The following MSLN variants were observed in gnomAD, a reference collection of about 807,000 sequenced individuals.
MSLN encodes mesothelin, also known as CAK1 antigen.
Under a neutral mutation model 72.6 loss-of-function variants are expected in MSLN, and 82 were observed. The ratio of observed to expected loss-of-function variants is 1.13; its 90% CI spans 0.94 to 1.36. The LOEUF (loss-of-function observed/expected upper bound fraction) is 1.36, where lower values mean the gene tolerates loss of function less well. Ranked by LOEUF, MSLN falls within the 40% of genes most tolerant of loss-of-function variation. The pLI, the probability that MSLN is intolerant of heterozygous loss-of-function variation, is 0.00. For missense variants in MSLN, 1,005 were observed against 847.9 expected, an observed-to-expected ratio of 1.19 and a Z score of -2.30; for synonymous variants, 456 against 387.3, an observed-to-expected ratio of 1.18 and a Z score of -2.08.
chr16:761,347 C>T lies in MSLN; in HGVS notation c.-10+173C>T, dbSNP rs141232576. Among the ~76,000 whole-genome samples the T allele has an allele frequency of 7.7e-3, 1,174 of 152,352 alleles. 18 individuals are homozygous for T. Among genetic ancestry groups the T allele is most frequent in the African/African-American group, 0.027 (1,119 of 41,572 alleles). ...ACACGCAGACCCATTTGTTTGGAAGCGGCAGTCCTAAGGCAGTGCAGGTGC... is the reference window on the plus strand; with the variant it reads ...ACACGCAGACCCATTTGTTTGGAAGTGGCAGTCCTAAGGCAGTGCAGGTGC... On this transcript the variant is annotated intron_variant, in intron 2 of 17. Transcript: ENST00000545450.
Position 768,448 on chromosome 16 carries a change from C to T in MSLN, c.1666C>T (p.His556Tyr), listed in dbSNP as rs780333795. Residue 556 changes from histidine (H) to tyrosine (Y), a missense_variant, in exon 17 of 18, where the codon CAC becomes TAC. By Grantham distance (83) the His-to-Tyr change is moderately conservative. Coordinates refer to ENST00000545450, the MANE Select transcript of MSLN (RefSeq NM_005823.6). ...GGAGGGCCTGAAGGCGGAGGAGCGGCACCGCCCGGTGCGGGACTGGATCCT... is the reference window on the plus strand; with the variant it reads ...GGAGGGCCTGAAGGCGGAGGAGCGGTACCGCCCGGTGCGGGACTGGATCCT... ...HVEGLKAEER[H>Y]RPVRDWILRQ... The T allele has an allele frequency of 1.6e-5, 24 of 1,536,546 alleles. No homozygotes were observed. The East Asian group carries it at 5.0e-4, about 32-fold the overall frequency.
chr16:767,979 G>GC (rs1555493851), intron 16 of MSLN, among the ~76,000 whole-genome samples: 2 of 26,852 alleles, frequency 7.4e-5, no homozygotes, highest in Non-Finnish European at 1.2e-4. Context: ...CGTGTGGGGG[G>GC]GCGTGGAGGG....
Position 768,786 on chromosome 16 carries a change from G to T in MSLN, c.*53G>T. 2.5e-6 allele frequency: 4 copies of T among 1,575,022 alleles called. No homozygotes were observed. The highest frequency in any genetic ancestry group is 3.5e-6 in the Non-Finnish European group (4 of 1,152,398). On this transcript the variant is annotated 3_prime_UTR_variant, in exon 18 of 18. Transcript: ENST00000545450. ...CCTGCTGGGGATCCCCGCCTGGCCA[G>T]GAGCAGGCACGGGTGGTCCCCGTTC...
intron 14 of MSLN, 24 bp downstream of exon 14, chr16:766,834 G>C (rs369680238): frequency 4.3e-6 from 7 of 1,612,122 alleles, no homozygotes; most frequent in Non-Finnish European, 5.9e-6. Flanking sequence ...ACTCTGCCCG[G>C]CAAGGTGGGT....
chr16:764,749 A>ACC, intron 7 of MSLN, 23 bp downstream of exon 7: 1 of 1,461,112 alleles, frequency 6.8e-7, no homozygotes, highest in Non-Finnish European at 9.4e-7. Flanking sequence ...CCCTGAACCC[A>ACC]CCCCCCCGGC....
At chr16:766,615 T>C (rs371915170) in intron 13 of MSLN, 53 bp from the exon 14 acceptor site, 6 of 1,611,094 alleles carry the variant, frequency 3.7e-6, no homozygotes, top group Non-Finnish European at 5.1e-6. Flanking sequence ...ATGCTGGTGG[T>C]GGAGGGATAC....
chr16:766,258 C>T (rs374346489), intron 12 of MSLN, 21 bp downstream of exon 12: 16 of 1,608,008 alleles, frequency 1.0e-5, no homozygotes, highest in South Asian at 1.1e-5. Flanking sequence ...ACTCAAGTTC[C>T]CACCGGCCTG....
rs879131271 is a variant in MSLN, at chr16:767,360, C to G, written c.1502-16C>G. On this transcript the variant is annotated splice_polypyrimidine_tract_variant and intron_variant, in intron 15 of 17. Coordinates refer to ENST00000545450, the MANE Select transcript of MSLN (RefSeq NM_005823.6). ...TGAGGTGAGGCCTCAGCTCGGGCCC[C>G]TCTCCCGGCGGGCAGGTGGGGCCCC... 2.0e-5 allele frequency: 33 copies of G among 1,609,798 alleles called. No homozygotes were observed. Among genetic ancestry groups the G allele is most frequent in the Non-Finnish European group, 2.8e-5 (33 of 1,178,378 alleles).
intron 16 of MSLN, 119 bp from the exon 17 acceptor site, chr16:768,259 TG>T: frequency 9.6e-7 from 1 of 1,045,600 alleles, no homozygotes; most frequent in Non-Finnish European, 1.3e-6. Flanking sequence ...CTCCGAAGTC[TG>T]GAGAGGCTGC....
intron 8 of MSLN, 22 bp from the exon 9 acceptor site, chr16:765,088 G>T: frequency 6.2e-7 from 1 of 1,605,556 alleles, no homozygotes; most frequent in Non-Finnish European, 8.5e-7. Flanking sequence ...TTCCAAAAGC[G>T]CTGAGGCCAG....
At chr16:765,392 A>T in intron 9 of MSLN, 89 bp downstream of exon 9, 1 of 1,432,270 alleles carries the variant, frequency 7.0e-7, no homozygotes, top group Non-Finnish European at 9.3e-7. Flanking sequence ...CTCAAGGCCC[A>T]GGGTCAGTCA....
chr16:764,158 G>C lies in MSLN; in HGVS notation c.300+15G>C, dbSNP rs1262978972. Reference sequence around the variant, plus strand: ...CAACAGAGCAGGTCAGTCTCAGTTGGGCTGAGGCAGGTGGGCACAGCTGGG... The same window carrying C: ...CAACAGAGCAGGTCAGTCTCAGTTGCGCTGAGGCAGGTGGGCACAGCTGGG... On this transcript the variant is annotated intron_variant, in intron 6 of 17. Coordinates refer to ENST00000545450, the MANE Select transcript of MSLN (RefSeq NM_005823.6). 1.3e-6 allele frequency: 2 copies of C among 1,597,776 alleles called. No homozygotes were observed. Among genetic ancestry groups the C allele is most frequent in the Non-Finnish European group, 1.7e-6 (2 of 1,176,668 alleles).
chr16:766,629 T>G (rs1177291436), intron 13 of MSLN, 39 bp from the exon 14 acceptor site: 1 of 1,611,400 alleles, frequency 6.2e-7, no homozygotes, highest in Admixed American at 1.7e-5. Flanking sequence ...GGGATACATC[T>G]CTCCTTGCCA....
At chr16:768,350 C>T (rs767763211) in intron 16 of MSLN, 29 bp from the exon 17 acceptor site, 4 of 1,500,068 alleles carry the variant, frequency 2.7e-6, no homozygotes, top group Non-Finnish European at 3.6e-6. Flanking sequence ...AGGAGACCCT[C>T]CTTGATGGCT....
chr16:764,127 A>G lies in MSLN; in HGVS notation c.284A>G (p.Lys95Arg), dbSNP rs528803471. Residue 95 changes from lysine (K) to arginine (R), a missense_variant, in exon 6 of 18, where the codon AAG becomes AGG. Lys to Arg is a conservative substitution (Grantham distance 26). Coordinates refer to ENST00000545450, the MANE Select transcript of MSLN (RefSeq NM_005823.6). ...LAVALAQKNV[K>R]LSTEQLRCLA... ...GTGGCCTTGGCACAGAAGAATGTCA[A>G]GCTCTCAACAGAGCAGGTCAGTCTC... The G allele has an allele frequency of 9.9e-5, 159 of 1,604,960 alleles. 2 individuals are homozygous for G. In the South Asian group the frequency reaches 1.7e-3, roughly 17 times the overall value.
chr16:763,797 T>TCCCCCCCACCC (rs2041567015), intron 5 of MSLN, 106 bp downstream of exon 5: 1 of 61,296 alleles, frequency 1.6e-5, no homozygotes, highest in Non-Finnish European at 2.7e-5. Flanking sequence ...CCCTTCCTCC[T>TCCCCCCCACCC]CTGCTCCACC....
rs1021155834 is a variant in MSLN, at chr16:765,434, C to A, written c.705-93C>A. 8.4e-6 allele frequency: 12 copies of A among 1,420,550 alleles called. No homozygotes were observed. In the East Asian group the frequency reaches 2.2e-4, roughly 26 times the overall value. 88.0% of individuals were successfully genotyped at this position (1,420,550 alleles called of 1,614,324 possible). On this transcript the variant is annotated intron_variant, in intron 9 of 17. Coordinates refer to ENST00000545450, the MANE Select transcript of MSLN (RefSeq NM_005823.6). Reference sequence around the variant, plus strand: ...CCACCACCCCTGCCAATGCCCCCAGCGTCCCCTCCACAGCCAGGGGGTACG... The same window carrying A: ...CCACCACCCCTGCCAATGCCCCCAGAGTCCCCTCCACAGCCAGGGGGTACG...
rs148180768 is a variant in MSLN, at chr16:768,664, G to C, written c.1800G>C (p.Thr600=). The change falls in exon 18 of 18, where the codon ACG becomes ACC. Residue 600 remains threonine (T), a synonymous_variant. Coordinates refer to ENST00000545450, the MANE Select transcript of MSLN (RefSeq NM_005823.6). ...DLSMQEALSG[T]PCLLGPGPVL... is the part of the protein sequence containing the mutation. ...TCTCTGTAGAGGCCCTCTCGGGGAC[G>C]CCCTGCCTCCTAGGACCTGGACCTG... The C allele has an allele frequency of 1.2e-6, 2 of 1,610,848 alleles. No individual in the cohort carries two copies. Among genetic ancestry groups the C allele is most frequent in the Non-Finnish European group, 1.7e-6 (2 of 1,179,538 alleles).
Position 766,257 on chromosome 16 carries a change from C to T in MSLN, c.1074+20C>T, listed in dbSNP as rs1161390919. On this transcript the variant is annotated intron_variant, in intron 12 of 17. Transcript: ENST00000545450. ...GATGAGGTAGTTCATGACTCAAGTT[C>T]CCACCGGCCTGCTGTGTCCAAGCCA... 4.4e-6 allele frequency: 7 copies of T among 1,607,838 alleles called. No individual in the cohort carries two copies. The highest frequency in any genetic ancestry group is 2.7e-5 in the African/African-American group (2 of 74,834).
Sources: gnomAD v4.1 joint callset for allele counts (sites outside exome capture counted in the v4.1 genomes callset) on GRCh38, gnomAD v4.1.1 for gene constraint, MANE v1.5 for transcripts, NCBI Gene and HGNC (gene_info 2026-07-23, HGNC 2026-07-21) for gene names.